Variants in ATCAY observed in about 807,000 individuals in gnomAD.
ATCAY encodes caytaxin.
In ATCAY, 22 loss-of-function variants were observed where a neutral mutation model predicts 47.7. The ratio of observed to expected loss-of-function variants is 0.46; its 90% CI spans 0.33 to 0.66. The LOEUF (loss-of-function observed/expected upper bound fraction) is 0.66, where lower values mean the gene tolerates loss of function less well. Among genes scored for constraint, ATCAY ranks in the 30% least tolerant of loss-of-function variants. The pLI is 0.02. For missense variants in ATCAY, 452 were observed against 515.0 expected, an observed-to-expected ratio of 0.88 and a Z score of 1.18; for synonymous variants, 216 against 207.6, an observed-to-expected ratio of 1.04 and a Z score of -0.35.
intron 12 of ATCAY, chr19:3,922,090 T>C: frequency 1.4e-6 from 1 of 695,334 alleles, no homozygotes; most frequent in Non-Finnish European, 2.6e-6. Flanking sequence ...ACCCAAGCCT[T>C]TCTAGCCAGG....
intron 8 of ATCAY, among the ~76,000 whole-genome samples, chr19:3,911,569 AAT>A (rs1599143284): frequency 1.1e-5 from 1 of 94,870 alleles, no homozygotes; most frequent in Admixed American, 1.3e-4. Flanking sequence ...ATAAATAAAT[AAT>A]ATGACTAATA....
At chr19:3,894,625 C>CAA (rs56732320) in intron 2 of ATCAY, among the ~76,000 whole-genome samples, 1,685 of 74,986 alleles carry the variant, frequency 0.022, 67 homozygotes, top group Admixed American at 0.1. Context: ...CCTGTGTCTG[C>CAA]AAAAAAAAAA....
rs2038790745 is a variant in ATCAY at position 3,898,839 on chromosome 19, G to T, written c.78-3648G>T. Among the ~76,000 whole-genome samples, 2 of 152,122 alleles carry T rather than the reference G, an allele frequency of 1.3e-5. 1 individual carries two copies. Among genetic ancestry groups the T allele is most frequent in the South Asian group, 4.1e-4 (2 of 4,824 alleles). On this transcript the variant is annotated intron_variant, in intron 2 of 12. Transcript: ENST00000450849. ...TAGGATTATAGGCATGCGCCACCAT[G>T]TCCAGCTAATTTTTGTATTTTTAGT...
rs761591994 is a variant in ATCAY, at chr19:3,905,356, T to C, written c.137-78T>C. ...TCCCATTCCTGCATGATGAAACAGCTTCCACCAGGTAGGAAAATGGGGGGA... is the reference window on the plus strand; with the variant it reads ...TCCCATTCCTGCATGATGAAACAGCCTCCACCAGGTAGGAAAATGGGGGGA... On this transcript the variant is annotated intron_variant, in intron 3 of 12. Transcript: ENST00000450849. 801 of 1,401,318 alleles carry C rather than the reference T, an allele frequency of 5.7e-4. 2 individuals carry two copies. Among genetic ancestry groups the C allele is most frequent in the Non-Finnish European group, 7.2e-4 (748 of 1,036,102 alleles). 86.8% of individuals were successfully genotyped at this position (1,401,318 alleles called of 1,614,324 possible). A position where few individuals can be genotyped will look rare whatever the true frequency, so the allele number is the denominator to read the frequency against.
intron 8 of ATCAY, among the ~76,000 whole-genome samples, chr19:3,913,146 G>C (rs920346167): frequency 6.6e-6 from 1 of 152,028 alleles, no homozygotes; most frequent in Non-Finnish European, 1.5e-5. Context: ...AATTAGCCGA[G>C]AGTGGTGGTG....
chr19:3,913,914 GAC>G lies in ATCAY; in HGVS notation c.965+63_965+64del. Reference sequence around the variant, plus strand: ...AGTCTGTTTTCGTGCTGCTGATAAAGACACACCTGAGACAGGGCAATTTACAA... The same window carrying G: ...AGTCTGTTTTCGTGCTGCTGATAAAGACACCTGAGACAGGGCAATTTACAA... On this transcript the variant is annotated intron_variant, in intron 9 of 12. Coordinates refer to ENST00000450849, the MANE Select transcript of ATCAY (RefSeq NM_033064.5). The G allele has an allele frequency of 3.4e-6, 5 of 1,487,894 alleles. No individual in the cohort carries two copies. In the South Asian group the frequency reaches 4.6e-5, roughly 14 times the overall value. 92.2% of individuals were successfully genotyped at this position (1,487,894 alleles called of 1,614,324 possible).
intron 2 of ATCAY, chr19:3,895,201 A>G: frequency 2.2e-6 from 1 of 454,338 alleles, no homozygotes; most frequent in South Asian, 1.5e-5. Context: ...CTGTCAGGTA[A>G]GAGCTAATGC....
intron 12 of ATCAY, among the ~76,000 whole-genome samples, chr19:3,923,515 A>G (rs190685806): frequency 2.2e-4 from 33 of 151,276 alleles, no homozygotes; most frequent in African/African-American, 7.3e-4. Context: ...GAATGAGTGG[A>G]GGGATGGGAG....
intron 2 of ATCAY, among the ~76,000 whole-genome samples, chr19:3,895,997 A>G (rs1191925564): frequency 2.0e-5 from 3 of 152,186 alleles, no homozygotes; most frequent in East Asian, 3.9e-4. Context: ...GATCACAGGC[A>G]TGAGCCATCA....
chr19:3,884,968 G>A (rs1206297951), intron 1 of ATCAY, among the ~76,000 whole-genome samples: 1 of 151,496 alleles, frequency 6.6e-6, no homozygotes, highest in Non-Finnish European at 1.5e-5. Context: ...AGGCATGATG[G>A]TACACACCTG....
At position 3,905,724 on chromosome 19, in the gene ATCAY, T is replaced by TA. The variant is rs552531183; in HGVS notation, c.358+69_358+70insA. 663 of 1,412,144 alleles carry TA rather than the reference T, an allele frequency of 4.7e-4. 1 individual carries two copies. In the African/African-American group the frequency reaches 7.4e-3, roughly 16 times the overall value. The allele number at this position is 1,412,144 out of a possible 1,614,324, so 87.5% of individuals were successfully genotyped here. A position where few individuals can be genotyped will look rare whatever the true frequency, so the allele number is the denominator to read the frequency against. On this transcript the variant is annotated intron_variant, in intron 4 of 12. Transcript: ENST00000450849. ...CCCACCCCACCTTTCCGTCTCTGGA[T>TA]TCCCATAGGCTCAGAGAGTCACAAG...
chr19:3,893,719 GGA>G (rs1366078399), intron 2 of ATCAY: 1 of 152,216 alleles, frequency 6.6e-6, no homozygotes, highest in Non-Finnish European at 1.5e-5. Flanking sequence ...CTTCCTTCAG[GGA>G]GCCTGGAGCC....
At chr19:3,913,212 G>A (rs935396530) in intron 8 of ATCAY, among the ~76,000 whole-genome samples, 6 of 150,306 alleles carry the variant, frequency 4.0e-5, no homozygotes, top group African/African-American at 1.5e-4. Context: ...CGCTTGAACC[G>A]GGGAGGCGGA....
At chr19:3,897,493 C>T (rs1437139368) in intron 2 of ATCAY, among the ~76,000 whole-genome samples, 1 of 151,548 alleles carries the variant, frequency 6.6e-6, no homozygotes, top group Admixed American at 6.6e-5. Context: ...TGGAGTCTCG[C>T]TGTGTTGCCC....
chr19:3,919,140 T>C (rs1448302817), intron 11 of ATCAY, among the ~76,000 whole-genome samples: 1 of 150,976 alleles, frequency 6.6e-6, no homozygotes, highest in Admixed American at 6.6e-5. Context: ...TAGCTGGACA[T>C]GGTGGCTCAC....
chr19:3,917,789 G>A lies in ATCAY; in HGVS notation c.1001+12G>A, dbSNP rs561750458. On this transcript the variant is annotated intron_variant, in intron 10 of 12. Coordinates refer to ENST00000450849, the MANE Select transcript of ATCAY (RefSeq NM_033064.5). ...GCCAGGAGGGAGAGGTGTGTGCAGA[G>A]TGGTTTCTGCTGGGGCTGGGTCGGG... 1.4e-4 allele frequency: 223 copies of A among 1,609,176 alleles called. 2 individuals are homozygous for A. In the South Asian group the frequency reaches 2.4e-3, roughly 18 times the overall value.
intron 12 of ATCAY, among the ~76,000 whole-genome samples, chr19:3,922,408 G>A (rs1010426258): frequency 6.6e-6 from 1 of 152,190 alleles, no homozygotes; most frequent in African/African-American, 2.4e-5. Flanking sequence ...AGCAAAGGGG[G>A]GAAAGCCCCT....
intron 2 of ATCAY, among the ~76,000 whole-genome samples, chr19:3,901,692 C>T (rs1276580670): frequency 6.6e-6 from 1 of 152,068 alleles, no homozygotes; most frequent in Non-Finnish European, 1.5e-5. Flanking sequence ...AATTTTCTTC[C>T]TCTGCTAAAG....
At position 3,916,643 on chromosome 19, in the gene ATCAY, A is replaced by G. The variant is rs532252595; in HGVS notation, c.966-1099A>G. Among the ~76,000 whole-genome samples, 286 of 151,320 alleles carry G rather than the reference A, an allele frequency of 1.9e-3. 1 individual carries two copies. The highest frequency in any genetic ancestry group is 6.3e-3 in the African/African-American group (259 of 41,252). On this transcript the variant is annotated intron_variant, in intron 9 of 12. Coordinates refer to ENST00000450849, the MANE Select transcript of ATCAY (RefSeq NM_033064.5). Reference sequence around the variant, plus strand: ...CGAGTAGCTGGGACTACAGGCGCCCACCACCACACCCAGATAATTTTTTTG... The same window carrying G: ...CGAGTAGCTGGGACTACAGGCGCCCGCCACCACACCCAGATAATTTTTTTG...
Sources: gnomAD v4.1 joint callset for allele counts (sites outside exome capture counted in the v4.1 genomes callset) on GRCh38, gnomAD v4.1.1 for gene constraint, MANE v1.5 for transcripts, NCBI Gene and HGNC (gene_info 2026-07-23, HGNC 2026-07-21) for gene names.